SENP7: variants seen among roughly 807,000 people sequenced by gnomAD.
SENP7 encodes sentrin-specific protease 7.
A neutral mutation model predicts 141.2 loss-of-function variants in SENP7; 64 were observed. That is an observed-to-expected ratio of 0.45 (90% CI 0.37 to 0.56). The LOEUF is 0.56. SENP7 is among the 20% of genes least tolerant of loss of function. The pLI is 0.00. For missense variants in SENP7, 1,025 were observed against 1,212.2 expected (o/e 0.85, Z 2.29); for synonymous variants, 382 against 426.4 (o/e 0.90, Z 1.28).
rs1050120694 is a variant in SENP7 at position 101,348,595 on chromosome 3, G to A, written c.1658-544C>T. On this transcript the variant is annotated intron_variant, in intron 12 of 23. Coordinates refer to ENST00000394095, the MANE Select transcript of SENP7 (RefSeq NM_020654.5). ...TCTTCTCCTAAGGCATTTGCATTCC[G>A]CTATACAGATAAGCCACTATCAAAA... Among the ~76,000 whole-genome samples, 29 of 152,000 alleles carry A rather than the reference G, an allele frequency of 1.9e-4. 1 individual carries two copies. Among genetic ancestry groups the A allele is most frequent in the Admixed American group, 9.8e-4 (15 of 15,262 alleles).
intron 7 of SENP7, among the ~76,000 whole-genome samples, chr3:101,370,257 T>C (rs1053424187): frequency 5.3e-5 from 8 of 152,312 alleles, no homozygotes; most frequent in Non-Finnish European, 8.8e-5. Context: ...GAAAGTATTT[T>C]ATTCAAGTCA....
At chr3:101,349,812 A>T (rs890495252) in intron 12 of SENP7, among the ~76,000 whole-genome samples, 2 of 152,152 alleles carry the variant, frequency 1.3e-5, no homozygotes, top group African/African-American at 2.4e-5. Context: ...TGTATAGCAG[A>T]TACTAAAAGT....
chr3:101,327,867 T>G (rs1464674797), intron 22 of SENP7, 51 bp from the exon 23 acceptor site: 1 of 1,393,876 alleles, frequency 7.2e-7, no homozygotes, highest in South Asian at 1.3e-5. Context: ...TATTTATCAG[T>G]ATGCAACATT....
At chr3:101,386,278 T>A (rs1248546578) in intron 6 of SENP7, among the ~76,000 whole-genome samples, 1 of 152,084 alleles carries the variant, frequency 6.6e-6, no homozygotes, top group Non-Finnish European at 1.5e-5. Flanking sequence ...CTCCTTGCTG[T>A]GAAGAAAAGG....
intron 6 of SENP7, among the ~76,000 whole-genome samples, chr3:101,373,470 G>C (rs983437676): frequency 6.6e-6 from 1 of 152,056 alleles, no homozygotes; most frequent in African/African-American, 2.4e-5. Context: ...CCTAAAAGAC[G>C]ATCTAAAAAG....
chr3:101,456,560 A>G (rs548321437), intron 4 of SENP7, among the ~76,000 whole-genome samples: 7 of 152,326 alleles, frequency 4.6e-5, no homozygotes, highest in African/African-American at 1.7e-4. Context: ...CAGATGTCGT[A>G]AATTCTATAA....
At chr3:101,327,001 A>G (rs941288601) in intron 23 of SENP7, among the ~76,000 whole-genome samples, 20 of 151,906 alleles carry the variant, frequency 1.3e-4, no homozygotes, top group Non-Finnish European at 2.2e-4. Context: ...ATATGTCATT[A>G]TACATCTTCA....
chr3:101,493,908 A>T lies in SENP7; in HGVS notation c.151T>A (p.Phe51Ile). Residue 51 changes from phenylalanine (F) to isoleucine (I), a missense_variant, in exon 3 of 24, where the codon TTC becomes ATC. Physicochemically the swap from Phe to Ile is conservative, Grantham distance 21. Coordinates refer to ENST00000394095, the MANE Select transcript of SENP7 (RefSeq NM_020654.5). ...AGAGTCCAGCGTTCTGAGCTTCTGAATTTGGACAGTGGTGATTGAACATGG... is the reference window on the plus strand; with the variant it reads ...AGAGTCCAGCGTTCTGAGCTTCTGATTTTGGACAGTGGTGATTGAACATGG... The part of the protein sequence containing the change: ...DVHVQSPLSK[F>I]RSSERWTLPL... The T allele has an allele frequency of 6.2e-7, 1 of 1,610,438 alleles. No individual in the cohort carries two copies. Among genetic ancestry groups the T allele is most frequent in the Non-Finnish European group, 8.5e-7 (1 of 1,177,394 alleles).
rs189253676 is a variant in SENP7, at chr3:101,347,984, A to G, written c.1725T>C (p.Ser575=). 1.1e-4 allele frequency: 181 copies of G among 1,611,698 alleles called. No individual in the cohort carries two copies. In the Admixed American group the frequency reaches 1.6e-3, roughly 14 times the overall value. Residue 575 remains serine, a synonymous_variant, in exon 13 of 24, where the codon AGT becomes AGC. Transcript: ENST00000394095. ...TCCTTTTACTGTGATTATCATCCTTACTTTTCCATAACCCAAACCGCTTTA... is the reference window on the plus strand; with the variant it reads ...TCCTTTTACTGTGATTATCATCCTTGCTTTTCCATAACCCAAACCGCTTTA... ...THLKRFGLWK[S]KDDNHSKRSH... is the part of the protein sequence containing the mutation.
intron 16 of SENP7, among the ~76,000 whole-genome samples, chr3:101,339,122 T>TA (rs370991567): frequency 2.6e-5 from 4 of 152,142 alleles, no homozygotes; most frequent in East Asian, 1.9e-4. Context: ...ATGGAAGATA[T>TA]AAAAAAGACC....
At chr3:101,509,095 G>A (rs2065744956) in intron 1 of SENP7, among the ~76,000 whole-genome samples, 1 of 151,002 alleles carries the variant, frequency 6.6e-6, no homozygotes, top group South Asian at 2.1e-4. Flanking sequence ...TTTCTTCTGG[G>A]ACCTCACTCC....
At chr3:101,385,377 A>G (rs1273243152) in intron 6 of SENP7, among the ~76,000 whole-genome samples, 1 of 152,122 alleles carries the variant, frequency 6.6e-6, no homozygotes, top group Admixed American at 6.5e-5. Context: ...TGCCACATTT[A>G]GGAGATTAAA....
chr3:101,357,087 G>A (rs927911594), intron 11 of SENP7, among the ~76,000 whole-genome samples: 9 of 151,646 alleles, frequency 5.9e-5, no homozygotes, highest in African/African-American at 1.9e-4. Context: ...TGCAACCTCC[G>A]CCTCCTGGGT....
intron 5 of SENP7, among the ~76,000 whole-genome samples, chr3:101,410,778 G>A (rs922086992): frequency 6.6e-5 from 10 of 151,736 alleles, no homozygotes; most frequent in African/African-American, 2.2e-4. Context: ...CTGGAAGGCG[G>A]AGGTTGCAGT....
intron 19 of SENP7, 92 bp downstream of exon 19, chr3:101,331,893 T>C (rs2059064898): frequency 7.9e-7 from 1 of 1,266,052 alleles, no homozygotes; most frequent in African/African-American, 1.5e-5. Context: ...TGATAGTAAA[T>C]AACTATACTA....
intron 2 of SENP7, among the ~76,000 whole-genome samples, chr3:101,499,467 C>G (rs1192052839): frequency 1.3e-5 from 2 of 151,910 alleles, no homozygotes; most frequent in Non-Finnish European, 2.9e-5. Flanking sequence ...CTCCCGGGTT[C>G]AAGCGATTTT....
chr3:101,472,407 AACCAAACACCG>A (rs1313619998), intron 3 of SENP7, among the ~76,000 whole-genome samples: 1,619 of 152,304 alleles, frequency 0.011, 20 homozygotes, highest in African/African-American at 0.036. Flanking sequence ...AAGGACAGAA[AACCAAACACCG>A]CATGTTCTCA....
At chr3:101,468,506 T>A (rs2107949517) in intron 3 of SENP7, among the ~76,000 whole-genome samples, 2 of 152,252 alleles carry the variant, frequency 1.3e-5, no homozygotes, top group Admixed American at 1.3e-4. Flanking sequence ...TAATGGTGGA[T>A]CTCTCGGAAG....
intron 4 of SENP7, among the ~76,000 whole-genome samples, chr3:101,444,372 C>T (rs2062801320): frequency 6.6e-6 from 1 of 151,796 alleles, no homozygotes; most frequent in Non-Finnish European, 1.5e-5. Context: ...TACCATTTGA[C>T]CCAGCCATCC....
Sources: allele counts gnomAD v4.1 joint callset (sites outside exome capture counted in the v4.1 genomes callset), GRCh38; gene constraint gnomAD v4.1.1; transcripts MANE v1.5; gene names NCBI Gene and HGNC (gene_info 2026-07-23, HGNC 2026-07-21).